The following IKZF2 variants were observed in gnomAD, a reference collection of about 807,000 sequenced individuals.
IKZF2 encodes the protein IKAROS family zinc finger 2.
A neutral mutation model predicts 49.2 loss-of-function variants in IKZF2; 15 were observed. The ratio of observed to expected loss-of-function variants is 0.30; its 90% confidence interval spans 0.20 to 0.47. The LOEUF (loss-of-function observed/expected upper bound fraction) is 0.47. Among genes scored for constraint, IKZF2 ranks in the 20% least tolerant of loss-of-function variants. The pLI is 1.00. For missense variants in IKZF2, 567 were observed against 664.6 expected (o/e 0.85, Z 1.61); for synonymous variants, 227 against 221.4 (o/e 1.03, Z -0.23).
chr2:213,083,384 C>CTTTTTTT (rs753296985), intron 4 of IKZF2, among the ~76,000 whole-genome samples: 42 of 80,152 alleles, frequency 5.2e-4, no homozygotes, highest in African/African-American at 2.2e-3. Context: ...GACGGCGAAC[C>CTTTTTTT]TTTTTTTTTT....
At chr2:213,105,048 C>A (rs534184508) in intron 4 of IKZF2, among the ~76,000 whole-genome samples, 4 of 152,176 alleles carry the variant, frequency 2.6e-5, no homozygotes, top group East Asian at 3.9e-4. Context: ...TGCTCCTATC[C>A]CAGAATTTTC....
intron 4 of IKZF2, among the ~76,000 whole-genome samples, chr2:213,121,212 T>G (rs554038924): frequency 6.6e-6 from 1 of 152,306 alleles, no homozygotes; most frequent in Admixed American, 6.5e-5. Flanking sequence ...AGAAACTAGT[T>G]TTATGCTTTC....
intron 6 of IKZF2, among the ~76,000 whole-genome samples, chr2:213,037,333 T>C (rs1280393381): frequency 6.6e-6 from 1 of 152,272 alleles, no homozygotes; most frequent in East Asian, 1.9e-4. Flanking sequence ...GAAAGGCTTA[T>C]TAATTCCTTC....
At chr2:213,017,746 G>C (rs186777572) in intron 7 of IKZF2, among the ~76,000 whole-genome samples, 38 of 152,192 alleles carry the variant, frequency 2.5e-4, no homozygotes, top group African/African-American at 9.1e-4. Context: ...AATTCCTCTT[G>C]GATGTTCTGC....
At chr2:213,043,618 G>A (rs150582921) in intron 6 of IKZF2, among the ~76,000 whole-genome samples, 157 of 152,272 alleles carry the variant, frequency 1.0e-3, no homozygotes, top group African/African-American at 3.6e-3. Flanking sequence ...CAAATGACAG[G>A]TGGTGGGGGA....
chr2:213,079,912 T>A (rs145248461), intron 4 of IKZF2, among the ~76,000 whole-genome samples: 4 of 152,218 alleles, frequency 2.6e-5, no homozygotes, highest in African/African-American at 7.2e-5. Context: ...CTGCCCCCAA[T>A]CAAAATTCAC....
intron 4 of IKZF2, among the ~76,000 whole-genome samples, chr2:213,070,648 T>C (rs1450810551): frequency 6.6e-6 from 1 of 152,178 alleles, no homozygotes; most frequent in Non-Finnish European, 1.5e-5. Context: ...GACAGGCTTA[T>C]AGTCTGGTTG....
intron 4 of IKZF2, among the ~76,000 whole-genome samples, chr2:213,084,308 T>C (rs888384118): frequency 3.3e-5 from 5 of 152,202 alleles, no homozygotes; most frequent in Non-Finnish European, 7.3e-5. Flanking sequence ...AAGGAGTAAA[T>C]TGTATAGACT....
At chr2:213,140,895 G>T (rs921173613) in intron 4 of IKZF2, among the ~76,000 whole-genome samples, 1 of 151,974 alleles carries the variant, frequency 6.6e-6, no homozygotes. Context: ...AATATGGGCA[G>T]AAAAGTAACC....
intron 6 of IKZF2, among the ~76,000 whole-genome samples, chr2:213,030,812 C>CTTTTTTTTTT (rs918257825): frequency 4.5e-5 from 6 of 133,702 alleles, no homozygotes; most frequent in Non-Finnish European, 8.0e-5. Flanking sequence ...TACTATTTTT[C>CTTTTTTTTTT]TTTTTTTTTT....
intron 4 of IKZF2, among the ~76,000 whole-genome samples, chr2:213,115,484 C>T (rs2059841470): frequency 6.6e-6 from 1 of 152,196 alleles, no homozygotes; most frequent in African/African-American, 2.4e-5. Context: ...TGATAGCAAA[C>T]TAATCAGCAG....
intron 4 of IKZF2, among the ~76,000 whole-genome samples, chr2:213,084,563 A>G (rs1704345758): frequency 6.6e-6 from 1 of 151,978 alleles, no homozygotes; most frequent in Non-Finnish European, 1.5e-5. Flanking sequence ...GAAAAAAATC[A>G]TAAGATGATA....
intron 7 of IKZF2, chr2:213,014,259 T>G (rs1696319360): frequency 5.8e-6 from 1 of 172,076 alleles, no homozygotes; most frequent in Non-Finnish European, 1.2e-5. Context: ...AATACTACTT[T>G]TAAGACTGCA....
intron 4 of IKZF2, among the ~76,000 whole-genome samples, chr2:213,118,154 A>G (rs1354339609): frequency 2.0e-5 from 3 of 152,234 alleles, no homozygotes; most frequent in Non-Finnish European, 4.4e-5. Flanking sequence ...ATTCTAGAAT[A>G]AGTGAATTGG....
chr2:213,014,007 C>A, intron 7 of IKZF2, 73 bp from the exon 8 acceptor site: 1 of 1,399,780 alleles, frequency 7.1e-7, no homozygotes, highest in South Asian at 1.2e-5. Flanking sequence ...CTGGATATGC[C>A]ATCTCGATAT....
chr2:213,068,803 T>C lies in IKZF2; in HGVS notation c.140-11704A>G, dbSNP rs374305687. On this transcript the variant is annotated intron_variant, in intron 4 of 8. Coordinates refer to ENST00000434687, the MANE Select transcript of IKZF2 (RefSeq NM_001387220.1). ...TGGTATGTGTGCAGGATGTTCTTTA[T>C]TAAGCAATAAATGTTAGCTACTTAA... Among the ~76,000 whole-genome samples, 22 of 152,094 alleles carry C rather than the reference T, an allele frequency of 1.4e-4. 1 individual carries two copies. Among genetic ancestry groups the C allele is most frequent in the African/African-American group, 4.3e-4 (18 of 41,508 alleles).
intron 2 of IKZF2, among the ~76,000 whole-genome samples, chr2:213,149,777 A>ACCCC (rs112304660): frequency 2.0e-5 from 2 of 98,210 alleles, no homozygotes; most frequent in African/African-American, 7.6e-5. Context: ...ACACTCCCTT[A>ACCCC]CCCCCCCCCC....
At chr2:213,028,398 T>C (rs1052921631) in intron 6 of IKZF2, among the ~76,000 whole-genome samples, 3 of 152,170 alleles carry the variant, frequency 2.0e-5, no homozygotes, top group Non-Finnish European at 4.4e-5. Flanking sequence ...CCAATTTCTG[T>C]TAAAAAGCTT....
Position 213,002,265 on chromosome 2 carries a change from T to C in IKZF2, c.*5095A>G, listed in dbSNP as rs2124948234. 6.6e-6 allele frequency: 1 copy of C among 151,614 alleles called. No individual in the cohort carries two copies. 9.4% of individuals were successfully genotyped at this position (151,614 alleles called of 1,614,324 possible). A position where few individuals can be genotyped will look rare whatever the true frequency, so the allele number is the denominator to read the frequency against. ...CACAACACATATTTTATACAGAAAA[T>C]ATACAAATGCAGTGTTATGGGAGGA... On this transcript the variant is annotated 3_prime_UTR_variant, in exon 9 of 9. Transcript: ENST00000434687.
Sources: allele counts gnomAD v4.1 joint callset (sites outside exome capture counted in the v4.1 genomes callset), GRCh38; gene constraint gnomAD v4.1.1; transcripts MANE v1.5; gene names NCBI Gene and HGNC (gene_info 2026-07-23, HGNC 2026-07-21).